Variants in TMC2 observed in about 807,000 individuals in gnomAD.
TMC2 encodes the protein transmembrane channel-like protein 2.
Under a neutral mutation model 105.9 loss-of-function variants are expected in TMC2, and 102 were observed. That is an observed-to-expected ratio of 0.96 (90% CI 0.82 to 1.14). The LOEUF (loss-of-function observed/expected upper bound fraction) is 1.14, where lower values mean the gene tolerates loss of function less well. TMC2 is among the 50% of genes most tolerant of loss of function. The pLI, the probability that TMC2 is intolerant of heterozygous loss-of-function variation, is 0.00. For missense variants in TMC2, 1,093 were observed against 1,134.3 expected, an observed-to-expected ratio of 0.96 and a Z score of 0.52; for synonymous variants, 402 against 422.8, an observed-to-expected ratio of 0.95 and a Z score of 0.60.
At chr20:2,607,043 C>G (rs1025748845) in intron 11 of TMC2, among the ~76,000 whole-genome samples, 3 of 151,926 alleles carry the variant, frequency 2.0e-5, no homozygotes, top group East Asian at 3.9e-4. Context: ...TTTTATACAA[C>G]TTACTTTTTG....
chr20:2,579,172 T>C lies in TMC2; in HGVS notation c.672T>C (p.Phe224=), dbSNP rs1443146590. Residue 224 remains phenylalanine, a synonymous_variant, in exon 6 of 20, where the codon TTT becomes TTC. Coordinates refer to ENST00000358864, the MANE Select transcript of TMC2 (RefSeq NM_080751.3). ...AKKWVKFKRD[F]DNFKTQCIPW... ...AATGGGTCAAATTTAAGAGAGACTT[T>C]GATAATTTCAAGACTCAATGTATCC... The C allele has an allele frequency of 2.5e-6, 4 of 1,597,682 alleles. No homozygotes were observed. Among genetic ancestry groups the C allele is most frequent in the Non-Finnish European group, 3.4e-6 (4 of 1,165,258 alleles).
intron 9 of TMC2, among the ~76,000 whole-genome samples, chr20:2,596,743 G>GTA (rs1555774913): frequency 6.7e-6 from 1 of 150,194 alleles, no homozygotes; most frequent in Non-Finnish European, 1.5e-5. Context: ...GTGTGTGTGT[G>GTA]TATGTGTGTG....
intron 7 of TMC2, among the ~76,000 whole-genome samples, chr20:2,591,172 C>T (rs191263267): frequency 4.9e-4 from 75 of 152,120 alleles, no homozygotes; most frequent in Admixed American, 1.6e-3. Context: ...ACTAGAAATA[C>T]TTTAATGTCC....
intron 16 of TMC2, among the ~76,000 whole-genome samples, chr20:2,620,203 C>T (rs1232510705): frequency 6.6e-6 from 1 of 152,076 alleles, no homozygotes; most frequent in African/African-American, 2.4e-5. Context: ...AGAAAATGTG[C>T]AAGGAAAGAG....
intron 10 of TMC2, among the ~76,000 whole-genome samples, chr20:2,599,539 A>ATTTTTTTTTTTTTTTTTTTTTTT (rs11409325): frequency 2.3e-5 from 2 of 85,514 alleles, no homozygotes; most frequent in Non-Finnish European, 4.2e-5. Context: ...CTTTAATTAC[A>ATTTTTTTTTTTTTTTTTTTTTTT]TTTTTTTTTT....
chr20:2,597,223 C>T lies in TMC2; in HGVS notation c.1149C>T (p.Phe383=), dbSNP rs747972364. 1.2e-6 allele frequency: 2 copies of T among 1,613,942 alleles called. No individual in the cohort carries two copies. Among genetic ancestry groups the T allele is most frequent in the East Asian group, 2.2e-5 (1 of 44,886 alleles). The change falls in exon 10 of 20, where the codon TTC becomes TTT. Residue 383 remains phenylalanine, a synonymous_variant. Coordinates refer to ENST00000358864, the MANE Select transcript of TMC2 (RefSeq NM_080751.3). ...SDNFTFSFKM[F]TSWDYLIGNS... is the part of the protein sequence containing the mutation. Reference sequence around the variant, plus strand: ...ACTTCACATTCAGCTTCAAGATGTTCACCAGCTGGGACTACCTGATCGGGA... The same window carrying T: ...ACTTCACATTCAGCTTCAAGATGTTTACCAGCTGGGACTACCTGATCGGGA...
intron 2 of TMC2, among the ~76,000 whole-genome samples, chr20:2,538,981 G>A (rs2085870427): frequency 6.6e-6 from 1 of 152,176 alleles, no homozygotes; most frequent in Non-Finnish European, 1.5e-5. Flanking sequence ...TTGTTACTGT[G>A]TTCCTTGAAA....
intron 10 of TMC2, among the ~76,000 whole-genome samples, chr20:2,600,638 C>G (rs2086343526): frequency 6.6e-6 from 1 of 152,022 alleles, no homozygotes; most frequent in Non-Finnish European, 1.5e-5. Context: ...CTGGCTAATA[C>G]AGTGAAACCC....
At chr20:2,609,588 G>C (rs2086419956) in intron 11 of TMC2, among the ~76,000 whole-genome samples, 1 of 152,190 alleles carries the variant, frequency 6.6e-6, no homozygotes, top group Non-Finnish European at 1.5e-5. Context: ...TTGTCCATGA[G>C]AGCTGAAGAG....
intron 5 of TMC2, among the ~76,000 whole-genome samples, chr20:2,574,011 C>T (rs2086124595): frequency 6.6e-6 from 1 of 152,254 alleles, no homozygotes; most frequent in African/African-American, 2.4e-5. Context: ...CATAGCTCTC[C>T]TTATCTTTGC....
Position 2,558,302 on chromosome 20 carries a change from C to A in TMC2, c.83-154C>A. The A allele has an allele frequency of 6.9e-7, 1 of 1,443,742 alleles. No homozygotes were observed. Among genetic ancestry groups the A allele is most frequent in the Non-Finnish European group, 9.1e-7 (1 of 1,095,188 alleles). 89.4% of individuals were successfully genotyped at this position (1,443,742 alleles called of 1,614,324 possible). A position where few individuals can be genotyped will look rare whatever the true frequency, so the allele number is the denominator to read the frequency against. ...CCTTCAGCTTAAAATACTCAACATG[C>A]CAAGGTGCCATACTTTGGGGTGTCC... is the stretch of plus-strand genomic sequence containing the variant. On this transcript the variant is annotated intron_variant, in intron 2 of 19. Coordinates refer to ENST00000358864, the MANE Select transcript of TMC2 (RefSeq NM_080751.3). The surrounding 1 kb of genome is among the most constrained non-coding windows in gnomAD (Gnocchi z 4.6).
At chr20:2,623,536 A>C (rs539268833) in intron 16 of TMC2, among the ~76,000 whole-genome samples, 7 of 141,906 alleles carry the variant, frequency 4.9e-5, no homozygotes, top group African/African-American at 1.8e-4. Flanking sequence ...AGACTCCATC[A>C]AAAAAAAAAA....
chr20:2,635,865 G>A lies in TMC2; in HGVS notation c.2307-61G>A, dbSNP rs1048630621. Reference sequence around the variant, plus strand: ...CCTGCCCTGATTCCCCAAGAAAGGCGCCCAGCTCCTATCATCTGCCAAGAT... The same window carrying A: ...CCTGCCCTGATTCCCCAAGAAAGGCACCCAGCTCCTATCATCTGCCAAGAT... On this transcript the variant is annotated intron_variant, in intron 17 of 19. Coordinates refer to ENST00000358864, the MANE Select transcript of TMC2 (RefSeq NM_080751.3). 2.5e-5 allele frequency: 34 copies of A among 1,380,794 alleles called. No individual in the cohort carries two copies. The Admixed American group carries it at 2.5e-4, about 10-fold the overall frequency. The allele number at this position is 1,380,794 out of a possible 1,614,324, so 85.5% of individuals were successfully genotyped here.
rs750820804 is a variant in TMC2 at position 2,617,068 on chromosome 20, C to G, written c.1941-4C>G. 1 of 1,614,156 alleles carries G rather than the reference C, an allele frequency of 6.2e-7. No individual in the cohort carries two copies. The highest frequency in any genetic ancestry group is 8.5e-7 in the Non-Finnish European group (1 of 1,179,998). ...AACCAGGTGTTTGGTTTCTGCCATT[C>G]CAGGATGGGCTCCTTCTATGCTCCA... On this transcript the variant is annotated splice_region_variant and splice_polypyrimidine_tract_variant and intron_variant, in intron 15 of 19. Transcript: ENST00000358864.
chr20:2,542,962 CATG>C (rs1195679825), intron 2 of TMC2, among the ~76,000 whole-genome samples: 1 of 152,012 alleles, frequency 6.6e-6, no homozygotes, highest in Non-Finnish European at 1.5e-5. Context: ...CAAGGCCAGG[CATG>C]GTGGCACACA....
intron 11 of TMC2, among the ~76,000 whole-genome samples, chr20:2,603,952 T>C (rs1254809680): frequency 6.6e-6 from 1 of 151,854 alleles, no homozygotes; most frequent in Non-Finnish European, 1.5e-5. Flanking sequence ...AATTCCTGAT[T>C]TATTTCCAGG....
chr20:2,547,801 T>C (rs1022674011), intron 2 of TMC2, among the ~76,000 whole-genome samples: 1 of 152,210 alleles, frequency 6.6e-6, no homozygotes, highest in African/African-American at 2.4e-5. Context: ...GATCACCCAC[T>C]AAGAACCTTA....
intron 11 of TMC2, among the ~76,000 whole-genome samples, chr20:2,606,896 T>C (rs1216121036): frequency 5.9e-5 from 6 of 102,554 alleles, no homozygotes; most frequent in Non-Finnish European, 1.4e-4. Flanking sequence ...TTTTTCTTTT[T>C]TTTTTTTTTT....
chr20:2,554,908 T>C (rs1358853918), intron 2 of TMC2, among the ~76,000 whole-genome samples: 1 of 152,208 alleles, frequency 6.6e-6, no homozygotes, highest in East Asian at 1.9e-4. Context: ...CTGTTGTTGT[T>C]GGATGATATA....
Sources: allele counts gnomAD v4.1 joint callset (sites outside exome capture counted in the v4.1 genomes callset), GRCh38; gene constraint gnomAD v4.1.1; non-coding constraint Gnocchi (gnomAD v3.1); transcripts MANE v1.5; gene names NCBI Gene and HGNC (gene_info 2026-07-23, HGNC 2026-07-21).